Variants in LAMA2 observed in about 807,000 individuals in gnomAD.
The protein encoded by LAMA2 is laminin subunit alpha-2.
Under a neutral mutation model 364.8 loss-of-function variants are expected in LAMA2, and 269 were observed. The ratio of observed to expected loss-of-function variants is 0.74; its 90% CI spans 0.67 to 0.82. The LOEUF (loss-of-function observed/expected upper bound fraction) is 0.82. Ranked by LOEUF, LAMA2 falls within the 40% of genes least tolerant of loss-of-function variation. LAMA2 has a pLI of 0.00. For synonymous variants in LAMA2, 1,379 were observed against 1,370.6 expected, an observed-to-expected ratio of 1.01 and a Z score of -0.14; for missense variants, 3,807 against 3,873.2, an observed-to-expected ratio of 0.98 and a Z score of 0.45.
intron 12 of LAMA2, among the ~76,000 whole-genome samples, chr6:129,223,876 G>A (rs989630931): frequency 8.5e-5 from 13 of 152,060 alleles, no homozygotes; most frequent in African/African-American, 3.1e-4. Flanking sequence ...TTCCAATTCT[G>A]TGAAGAAAGT....
At chr6:129,097,857 C>T (rs188708118) in intron 3 of LAMA2, among the ~76,000 whole-genome samples, 39 of 152,206 alleles carry the variant, frequency 2.6e-4, no homozygotes, top group South Asian at 2.5e-3. Flanking sequence ...TTGGTATGTA[C>T]TATTAATAAA....
chr6:129,201,419 G>GA (rs1473379351), intron 12 of LAMA2, among the ~76,000 whole-genome samples: 1 of 152,110 alleles, frequency 6.6e-6, no homozygotes, highest in East Asian at 1.9e-4. Context: ...GCAAATATGT[G>GA]AAAGAAAACT....
chr6:129,265,909 A>C lies in LAMA2; in HGVS notation c.2209-1197A>C, dbSNP rs780841731. Among the ~76,000 whole-genome samples the C allele has an allele frequency of 6.6e-4, 101 of 152,102 alleles. 1 individual carries two copies. The highest frequency in any genetic ancestry group is 1.3e-4 in the Non-Finnish European group (9 of 67,994). On this transcript the variant is annotated intron_variant, in intron 15 of 64. Transcript: ENST00000421865. Reference sequence around the variant, plus strand: ...TTGACACTTTTTTTGGTACTGTTCAAATTAAGGGGAAAGTTCATTTTATTT... The same window carrying C: ...TTGACACTTTTTTTGGTACTGTTCACATTAAGGGGAAAGTTCATTTTATTT...
intron 40 of LAMA2, among the ~76,000 whole-genome samples, chr6:129,418,848 CTT>C (rs1562546346): frequency 6.6e-6 from 1 of 152,030 alleles, no homozygotes. Context: ...AAGTTTATAA[CTT>C]AATTTTCAGA....
At chr6:129,443,168 T>A in intron 44 of LAMA2, 100 bp downstream of exon 44, 1 of 798,336 alleles carries the variant, frequency 1.3e-6, no homozygotes. Context: ...TGGTTTTGCT[T>A]TAAACATTGC....
At chr6:129,403,281 T>C (rs893124700) in intron 39 of LAMA2, among the ~76,000 whole-genome samples, 2 of 152,126 alleles carry the variant, frequency 1.3e-5, no homozygotes, top group Non-Finnish European at 1.5e-5. Context: ...ATGTCAAACT[T>C]TTGCCACTTT....
intron 12 of LAMA2, among the ~76,000 whole-genome samples, chr6:129,211,335 G>A (rs550908338): frequency 6.6e-6 from 1 of 152,130 alleles, no homozygotes; most frequent in African/African-American, 2.4e-5. Context: ...CAGTGTTCAA[G>A]CTACGTAATT....
chr6:129,257,743 T>C (rs1251525861), intron 14 of LAMA2, among the ~76,000 whole-genome samples: 2 of 152,130 alleles, frequency 1.3e-5, no homozygotes, highest in Admixed American at 6.6e-5. Context: ...TCCAGGCAGT[T>C]AGATTTCACA....
chr6:128,902,561 G>C (rs1777155729), intron 1 of LAMA2, among the ~76,000 whole-genome samples: 1 of 152,108 alleles, frequency 6.6e-6, no homozygotes, highest in Non-Finnish European at 1.5e-5. Flanking sequence ...AAAAGTAATT[G>C]GACAAAGGTA....
At chr6:129,202,187 C>CAAAAAAAA (rs776190977) in intron 12 of LAMA2, among the ~76,000 whole-genome samples, 6 of 62,158 alleles carry the variant, frequency 9.7e-5, no homozygotes, top group East Asian at 5.8e-4. Flanking sequence ...GAGTCTGTCT[C>CAAAAAAAA]AAAAAAAAAA....
chr6:129,315,354 C>A, intron 24 of LAMA2, 122 bp from the exon 25 acceptor site: 2 of 829,922 alleles, frequency 2.4e-6, no homozygotes, highest in Non-Finnish European at 4.0e-6. Context: ...AGTTCTGTTG[C>A]TTGTGAGAAC....
chr6:129,205,493 T>TATATATATATATACAC (rs1343472728), intron 12 of LAMA2, among the ~76,000 whole-genome samples: 3 of 104,274 alleles, frequency 2.9e-5, no homozygotes, highest in African/African-American at 1.1e-4. Flanking sequence ...TATATATATA[T>TATATATATATATACAC]ACACACACAC....
At chr6:129,490,710 C>T (rs543009315) in intron 56 of LAMA2, 1 of 152,230 alleles carries the variant, frequency 6.6e-6, no homozygotes, top group South Asian at 2.1e-4. Context: ...CTCAGGAAAC[C>T]ACCGACACTC....
intron 3 of LAMA2, among the ~76,000 whole-genome samples, chr6:129,074,135 C>T (rs1192048520): frequency 6.6e-6 from 1 of 152,198 alleles, no homozygotes; most frequent in Non-Finnish European, 1.5e-5. Context: ...TTACCACACT[C>T]TTTCCTTCTT....
intron 1 of LAMA2, among the ~76,000 whole-genome samples, chr6:128,956,561 G>A (rs192615747): frequency 1.3e-5 from 2 of 151,938 alleles, no homozygotes; most frequent in Non-Finnish European, 2.9e-5. Flanking sequence ...AAAGAAAATA[G>A]GGACAATTAA....
At chr6:129,503,878 T>C (rs1217562579) in intron 60 of LAMA2, among the ~76,000 whole-genome samples, 5 of 152,192 alleles carry the variant, frequency 3.3e-5, no homozygotes, top group African/African-American at 9.7e-5. Context: ...TTAAAAACGT[T>C]GGCCTTACAC....
intron 29 of LAMA2, among the ~76,000 whole-genome samples, chr6:129,330,534 C>T (rs1167703737): frequency 6.7e-6 from 1 of 149,302 alleles, no homozygotes. Context: ...ATACTCTTCA[C>T]TTTCAGTTTC....
At chr6:129,514,687 G>T in intron 64 of LAMA2, 92 bp downstream of exon 64, 1 of 997,460 alleles carries the variant, frequency 1.0e-6, no homozygotes, top group Non-Finnish European at 1.6e-6. Flanking sequence ...AAGAATGTGT[G>T]CTTATGTGTA....
At chr6:129,129,493 A>G (rs1393505051) in intron 4 of LAMA2, among the ~76,000 whole-genome samples, 1 of 152,208 alleles carries the variant, frequency 6.6e-6, no homozygotes, top group Non-Finnish European at 1.5e-5. Context: ...CTCTCTTTTT[A>G]TCAGGGCCAT....
Sources: gnomAD v4.1 joint callset for allele counts (sites outside exome capture counted in the v4.1 genomes callset) on GRCh38, gnomAD v4.1.1 for gene constraint, MANE v1.5 for transcripts, NCBI Gene and HGNC (gene_info 2026-07-23, HGNC 2026-07-21) for gene names.